Variants in KAZN observed in about 807,000 individuals in gnomAD.
KAZN encodes kazrin.
In KAZN, 40 loss-of-function variants were observed where a neutral mutation model predicts 87.4. The observed-to-expected ratio is 0.46, with a 90% CI of 0.36 to 0.60. The LOEUF (loss-of-function observed/expected upper bound fraction) is 0.60. KAZN is among the 20% of genes least tolerant of loss of function. The probability of loss-of-function intolerance (pLI) is 0.00; values close to 1 mark genes in which losing one functional copy is unlikely to be tolerated. For missense variants in KAZN, 898 were observed against 1,073.9 expected (o/e 0.84, Z 2.29); for synonymous variants, 466 against 458.3 (o/e 1.02, Z -0.22).
At chr1:14,957,598 T>C (rs1456632406) in intron 1 of KAZN, among the ~76,000 whole-genome samples, 1 of 152,160 alleles carries the variant, frequency 6.6e-6, no homozygotes, top group Non-Finnish European at 1.5e-5. Flanking sequence ...CTGTTGACGC[T>C]GGACAGGAGC....
intron 8 of KAZN, among the ~76,000 whole-genome samples, chr1:15,078,834 C>T (rs1639872612): frequency 6.6e-6 from 1 of 152,172 alleles, no homozygotes; most frequent in East Asian, 1.9e-4. Context: ...TGCCATTCTC[C>T]TATAGGTGTC....
intron 1 of KAZN, among the ~76,000 whole-genome samples, chr1:14,145,462 A>C (rs887437667): frequency 6.6e-6 from 1 of 152,014 alleles, no homozygotes; most frequent in Non-Finnish European, 1.5e-5. Flanking sequence ...AGACACACAC[A>C]CACACCCACA....
At chr1:15,010,459 C>T (rs922523863) in intron 2 of KAZN, among the ~76,000 whole-genome samples, 3 of 146,152 alleles carry the variant, frequency 2.1e-5, no homozygotes, top group South Asian at 2.2e-4. Flanking sequence ...GGCGCAATCT[C>T]GGTTCACTGC....
intron 1 of KAZN, among the ~76,000 whole-genome samples, chr1:14,738,674 CG>C: frequency 6.6e-6 from 1 of 151,890 alleles, no homozygotes. Context: ...ACTGAGGCCC[CG>C]GGAACTGTGT....
chr1:14,179,546 G>T (rs1310509019), intron 1 of KAZN, among the ~76,000 whole-genome samples: 1 of 152,184 alleles, frequency 6.6e-6, no homozygotes, highest in Non-Finnish European at 1.5e-5. Context: ...CCTTGATAAT[G>T]ACATTTTTCT....
At chr1:15,060,495 G>A (rs754552919) in intron 6 of KAZN, 193 bp downstream of exon 6, 38 of 749,590 alleles carry the variant, frequency 5.1e-5, no homozygotes, top group Non-Finnish European at 6.8e-5. Context: ...AATGAGGCCC[G>A]TTTGCTCCTT....
chr1:14,733,232 C>T (rs759652496), intron 1 of KAZN, among the ~76,000 whole-genome samples: 22 of 152,090 alleles, frequency 1.4e-4, no homozygotes, highest in Admixed American at 5.9e-4. Context: ...GCAGAATTCT[C>T]GCATGTTCCC....
In KAZN at chr1:14,598,777, C is replaced by T. The variant is rs1029514771; in HGVS notation, c.-221C>T. The T allele has an allele frequency of 5.2e-6, 7 of 1,350,386 alleles. No homozygotes were observed. In the African/African-American group the frequency reaches 9.3e-5, roughly 18 times the overall value. The allele number at this position is 1,350,386 out of a possible 1,614,324, so 83.7% of individuals were successfully genotyped here. On this transcript the variant is annotated 5_prime_UTR_variant, in exon 1 of 15. Coordinates refer to ENST00000376030, the MANE Select transcript of KAZN (RefSeq NM_201628.3). The surrounding 1 kb of genome is among the most constrained non-coding windows in gnomAD (Gnocchi z 4.2). ...TCCTCCTCTTTTTTCTCCTCCGCCTCCTCCCCCCGCCGCCTCGCCACCGCC... is the reference window on the plus strand; with the variant it reads ...TCCTCCTCTTTTTTCTCCTCCGCCTTCTCCCCCCGCCGCCTCGCCACCGCC...
intron 1 of KAZN, among the ~76,000 whole-genome samples, chr1:13,958,912 A>G (rs1485003143): frequency 1.3e-5 from 2 of 152,136 alleles, no homozygotes; most frequent in Non-Finnish European, 2.9e-5. Context: ...AGGCTCTACT[A>G]GATTGGTGAG....
chr1:15,085,712 A>G (rs1277041225), intron 8 of KAZN, among the ~76,000 whole-genome samples: 3 of 152,260 alleles, frequency 2.0e-5, no homozygotes, highest in Admixed American at 1.3e-4. Context: ...ATTTTCATCA[A>G]CACAGAAAGT....
intron 1 of KAZN, among the ~76,000 whole-genome samples, chr1:14,015,684 G>A (rs569939267): frequency 6.7e-6 from 1 of 149,346 alleles, no homozygotes; most frequent in African/African-American, 2.4e-5. Context: ...GCTGAGGCAG[G>A]TGGATCATCT....
In KAZN at chr1:15,046,935, G is replaced by T. The variant is rs1464644456; in HGVS notation, c.726+2776G>T. Among the ~76,000 whole-genome samples the T allele has an allele frequency of 2.6e-5, 4 of 152,294 alleles. No homozygotes were observed. The East Asian group carries it at 5.8e-4, about 22-fold the overall frequency. On this transcript the variant is annotated intron_variant, in intron 4 of 14. Transcript: ENST00000376030. ...ATATGTCTTCCTTCCTTGGAGTCCTGGCCTTAGGCATCCGAGGACTCCCTG... is the reference window on the plus strand; with the variant it reads ...ATATGTCTTCCTTCCTTGGAGTCCTTGCCTTAGGCATCCGAGGACTCCCTG...
At chr1:14,470,585 T>C (rs759837856) in intron 2 of KAZN, among the ~76,000 whole-genome samples, 2 of 152,218 alleles carry the variant, frequency 1.3e-5, no homozygotes, top group African/African-American at 4.8e-5. Context: ...TTGGACCCTA[T>C]GCAGAGAGAG....
Position 15,048,695 on chromosome 1 carries a change from GTTGATCCTTGGTCGTTGGTC to G in KAZN, c.726+4537_726+4556del, listed in dbSNP as rs1557754550. Among the ~76,000 whole-genome samples the G allele has an allele frequency of 6.5e-4, 94 of 144,906 alleles. 2 individuals are homozygous for G. The highest frequency in any genetic ancestry group is 2.5e-3 in the African/African-American group (90 of 36,192). The stretch of plus-strand genomic sequence containing the variant: ...GGTCCTGGGTCGTTGGTCCTGGGTC[GTTGATCCTTGGTCGTTGGTC>G]CTGGGTCGTTGGTCATGGGTCGTCG... On this transcript the variant is annotated intron_variant, in intron 4 of 14. Coordinates refer to ENST00000376030, the MANE Select transcript of KAZN (RefSeq NM_201628.3).
At chr1:14,159,823 C>A (rs1645672473) in intron 1 of KAZN, among the ~76,000 whole-genome samples, 1 of 152,232 alleles carries the variant, frequency 6.6e-6, no homozygotes, top group Non-Finnish European at 1.5e-5. Flanking sequence ...CCTTCCAGGA[C>A]TCCTTCCAGA....
chr1:14,701,062 T>C (rs1191780022), intron 1 of KAZN, among the ~76,000 whole-genome samples: 1 of 152,234 alleles, frequency 6.6e-6, no homozygotes, highest in Non-Finnish European at 1.5e-5. Context: ...TTTCAAAAGA[T>C]GTGGCCCCCA....
intron 1 of KAZN, among the ~76,000 whole-genome samples, chr1:13,910,194 A>C (rs1445554697): frequency 6.6e-6 from 1 of 152,100 alleles, no homozygotes; most frequent in Non-Finnish European, 1.5e-5. Flanking sequence ...GTGAGTTCTC[A>C]TGAGATCTGA....
At chr1:15,059,717 T>C (rs913020341) in intron 5 of KAZN, among the ~76,000 whole-genome samples, 1 of 152,152 alleles carries the variant, frequency 6.6e-6, no homozygotes, top group Non-Finnish European at 1.5e-5. Context: ...GGAAACCGAT[T>C]TGGGGCAGTG....
At chr1:14,871,623 G>A (rs1652139970) in intron 1 of KAZN, among the ~76,000 whole-genome samples, 1 of 150,650 alleles carries the variant, frequency 6.6e-6, no homozygotes, top group Non-Finnish European at 1.5e-5. Context: ...CACCTGCAGT[G>A]AGCCTGAGAC....
Sources: gnomAD v4.1 joint callset for allele counts (sites outside exome capture counted in the v4.1 genomes callset) on GRCh38, gnomAD v4.1.1 for gene constraint, Gnocchi (gnomAD v3.1) non-coding constraint, MANE v1.5 for transcripts, NCBI Gene and HGNC (gene_info 2026-07-23, HGNC 2026-07-21) for gene names.